The following SERPINF1 variants were observed in gnomAD, a reference collection of about 807,000 sequenced individuals.
SERPINF1 encodes pigment epithelium-derived factor.
SERPINF1 carries 29 observed loss-of-function variants against 37.3 expected under a neutral mutation model. That is an observed-to-expected ratio of 0.78 (90% CI 0.58 to 1.06). The LOEUF is 1.06. SERPINF1 is among the 50% of genes least tolerant of loss of function. The probability of loss-of-function intolerance (pLI) is 0.00; values close to 1 mark genes in which losing one functional copy is unlikely to be tolerated. For synonymous variants in SERPINF1, 281 were observed against 227.9 expected (o/e 1.23, Z -2.10); for missense variants, 553 against 532.2 (o/e 1.04, Z -0.38).
intron 5 of SERPINF1, 114 bp downstream of exon 5, chr17:1,772,189 T>C (rs1172007388): frequency 1.8e-6 from 2 of 1,132,372 alleles, no homozygotes; most frequent in Non-Finnish European, 2.5e-6. Flanking sequence ...CGATCTCAGC[T>C]CAATGCAACC....
rs1310966599 is a variant in SERPINF1, at chr17:1,777,434, C to T, written c.1245C>T (p.Pro415=). Residue 415 remains proline (P), a synonymous_variant, in exon 8 of 8, where the codon CCC becomes CCT. Coordinates refer to ENST00000254722, the MANE Select transcript of SERPINF1 (RefSeq NM_002615.7). The stretch of plus-strand genomic sequence containing the variant: ...TCTTCATTGGCAAGATTCTGGACCC[C>T]AGGGGCCCCTAATATCCCAGTTTAA... The part of the protein sequence containing the change: ...ALLFIGKILD[P]RGP 5 of 1,614,152 alleles carry T rather than the reference C, an allele frequency of 3.1e-6. No individual in the cohort carries two copies. Among genetic ancestry groups the T allele is most frequent in the Non-Finnish European group, 4.2e-6 (5 of 1,180,034 alleles).
intron 2 of SERPINF1, among the ~76,000 whole-genome samples, chr17:1,768,894 C>T (rs1019469250): frequency 3.9e-5 from 6 of 151,998 alleles, no homozygotes; most frequent in African/African-American, 1.4e-4. Flanking sequence ...CAACCTCTGC[C>T]TCCTGGGTTC....
intron 1 of SERPINF1, among the ~76,000 whole-genome samples, chr17:1,765,547 C>G (rs1190046003): frequency 2.0e-5 from 3 of 152,014 alleles, no homozygotes; most frequent in Non-Finnish European, 4.4e-5. Context: ...GTCTCGAACT[C>G]CTGACCTCAG....
chr17:1,765,678 T>A (rs1296940568), intron 1 of SERPINF1, among the ~76,000 whole-genome samples: 4 of 151,822 alleles, frequency 2.6e-5, no homozygotes, highest in Non-Finnish European at 5.9e-5. Context: ...GAAAAAATGG[T>A]GATTTAAAGA....
intron 1 of SERPINF1, among the ~76,000 whole-genome samples, chr17:1,763,388 C>A (rs754739631): frequency 1.3e-5 from 2 of 152,232 alleles, no homozygotes; most frequent in African/African-American, 4.8e-5. Flanking sequence ...TAAGGCCTGA[C>A]CTTGGCCCAG....
chr17:1,771,768 G>C (rs1188295954), intron 4 of SERPINF1, 104 bp from the exon 5 acceptor site: 5 of 1,101,190 alleles, frequency 4.5e-6, no homozygotes, highest in Non-Finnish European at 6.7e-6. Flanking sequence ...TGGGAAGTCA[G>C]GGCCTGCTGA....
intron 5 of SERPINF1, among the ~76,000 whole-genome samples, chr17:1,774,030 T>C (rs915174588): frequency 1.3e-5 from 2 of 152,182 alleles, no homozygotes; most frequent in Admixed American, 6.6e-5. Flanking sequence ...GGCTTGGCCA[T>C]CAGCTGGCTT....
At chr17:1,764,247 G>A (rs192984768) in intron 1 of SERPINF1, among the ~76,000 whole-genome samples, 1 of 152,364 alleles carries the variant, frequency 6.6e-6, no homozygotes, top group Admixed American at 6.5e-5. Flanking sequence ...TTGGGCCAGA[G>A]GAACTAGAAC....
chr17:1,765,143 CTT>C (rs34386380), intron 1 of SERPINF1, among the ~76,000 whole-genome samples: 13 of 124,772 alleles, frequency 1.0e-4, no homozygotes, highest in Non-Finnish European at 1.3e-4. Flanking sequence ...TGCGCCTGGC[CTT>C]TTTTTTTTTT....
intron 1 of SERPINF1, among the ~76,000 whole-genome samples, chr17:1,763,249 G>A (rs765167365): frequency 6.6e-6 from 1 of 152,180 alleles, no homozygotes; most frequent in African/African-American, 2.4e-5. Flanking sequence ...GGGAGGTGGC[G>A]GTGGAGGCTG....
At chr17:1,776,768 TGGTG>T in intron 7 of SERPINF1, 26 bp downstream of exon 7, 4 of 1,608,996 alleles carry the variant, frequency 2.5e-6, no homozygotes, top group African/African-American at 2.7e-5. Flanking sequence ...CTTTCGCTCT[TGGTG>T]GGTGGATGGG....
rs754718790 is a variant in SERPINF1, at chr17:1,770,930, C to T, written c.284-99C>T. ...AAGATCAGCCTACTTGGGCTCTCAG[C>T]AGACAAAAAAGATGAGTATAGTGTC... On this transcript the variant is annotated intron_variant, in intron 3 of 7. Transcript: ENST00000254722. The T allele has an allele frequency of 4.1e-6, 6 of 1,473,982 alleles. No homozygotes were observed. The Admixed American group carries it at 8.4e-5, about 21-fold the overall frequency. 91.3% of individuals were successfully genotyped at this position (1,473,982 alleles called of 1,614,324 possible).
intron 2 of SERPINF1, among the ~76,000 whole-genome samples, chr17:1,768,430 CAAAAAA>C (rs71150813): frequency 2.2e-5 from 2 of 91,794 alleles, no homozygotes; most frequent in South Asian, 4.3e-4. Flanking sequence ...GACTCCGTCT[CAAAAAA>C]AAAAAAAAAA....
In SERPINF1 at chr17:1,775,168, C is replaced by T. The variant is rs758130179; in HGVS notation, c.754C>T (p.Arg252Cys). Residue 252 changes from arginine to cysteine, a missense_variant, in exon 6 of 8, where the codon CGC becomes TGC. Transcript: ENST00000254722. ...GATGTCGGACCCTAAGGCTGTTTTACGCTATGGCTTGGATTCAGATCTCAG... is the reference window on the plus strand; with the variant it reads ...GATGTCGGACCCTAAGGCTGTTTTATGCTATGGCTTGGATTCAGATCTCAG... ...PMMSDPKAVL[R>C]YGLDSDLSCK... 4.5e-5 allele frequency: 73 copies of T among 1,612,126 alleles called. No individual in the cohort carries two copies. The highest frequency in any genetic ancestry group is 8.8e-5 in the South Asian group (8 of 91,070).
intron 2 of SERPINF1, among the ~76,000 whole-genome samples, chr17:1,768,645 T>C (rs1162727123): frequency 6.6e-6 from 1 of 151,306 alleles, no homozygotes. Flanking sequence ...AGCTAATTTT[T>C]TGGGTATTTT....
At chr17:1,776,408 G>A (rs1908030200) in intron 6 of SERPINF1, 124 bp from the exon 7 acceptor site, 2 of 842,772 alleles carry the variant, frequency 2.4e-6, no homozygotes, top group South Asian at 1.3e-5. Flanking sequence ...TTAAATAGAT[G>A]AGGGGCTGGA....
At chr17:1,775,760 C>T (rs576508721) in intron 6 of SERPINF1, among the ~76,000 whole-genome samples, 14 of 152,268 alleles carry the variant, frequency 9.2e-5, no homozygotes, top group Admixed American at 2.0e-4. Flanking sequence ...TCTCAAACTC[C>T]CAAACTCAGG....
chr17:1,769,896 G>T lies in SERPINF1; in HGVS notation c.129G>T (p.Glu43Asp), dbSNP rs1194688554. 6.2e-7 allele frequency: 1 copy of T among 1,614,068 alleles called. No individual in the cohort carries two copies. The highest frequency in any genetic ancestry group is 2.2e-5 in the East Asian group (1 of 44,904). The change falls in exon 3 of 8, where the codon GAG becomes GAT. Residue 43 changes from glutamate (E) to aspartate (D), a missense_variant. Coordinates refer to ENST00000254722, the MANE Select transcript of SERPINF1 (RefSeq NM_002615.7). ...GCACAGGGGCGCTGGTGGAGGAGGA[G>T]GATCCTTTCTTCAAAGTCCCCGTGA... ...PDSTGALVEE[E>D]DPFFKVPVNK...
chr17:1,775,723 G>T (rs1425205953), intron 6 of SERPINF1, among the ~76,000 whole-genome samples: 1 of 151,932 alleles, frequency 6.6e-6, no homozygotes, highest in East Asian at 1.9e-4. Context: ...TTATACAGAC[G>T]GGGTTTCTCC....
Sources: allele counts gnomAD v4.1 joint callset (sites outside exome capture counted in the v4.1 genomes callset), GRCh38; gene constraint gnomAD v4.1.1; transcripts MANE v1.5; gene names NCBI Gene and HGNC (gene_info 2026-07-23, HGNC 2026-07-21).